Variants in KIAA1217 observed in about 807,000 individuals in gnomAD.
KIAA1217 encodes KIAA1217, also known as sickle tail protein homolog.
Under a neutral mutation model 163.9 loss-of-function variants are expected in KIAA1217, and 88 were observed. That is an observed-to-expected ratio of 0.54 (90% confidence interval 0.45 to 0.64). The LOEUF (loss-of-function observed/expected upper bound fraction) is 0.64. KIAA1217 is among the 30% of genes least tolerant of loss of function. The pLI, the probability that KIAA1217 is intolerant of heterozygous loss-of-function variation, is 0.00. For synonymous variants in KIAA1217, 903 were observed against 923.1 expected (o/e 0.98, Z 0.39); for missense variants, 2,372 against 2,475.0 (o/e 0.96, Z 0.88).
At chr10:24,017,122 A>G (rs1847519052) in intron 2 of KIAA1217, among the ~76,000 whole-genome samples, 1 of 150,360 alleles carries the variant, frequency 6.7e-6, no homozygotes, top group South Asian at 2.1e-4. Flanking sequence ...GGCACAGCAT[A>G]GGTCACTACA....
In KIAA1217 at chr10:24,191,965, G is replaced by T. The variant is rs2066741810; in HGVS notation, c.-170-27661G>T. Among the ~76,000 whole-genome samples the T allele has an allele frequency of 2.6e-5, 4 of 152,228 alleles. No homozygotes were observed. In the South Asian group the frequency reaches 8.3e-4, roughly 32 times the overall value. ...GACAGAGTTTTGCCGTGTTGGTCTG[G>T]AACCCCTGACCTCAAGTGATCCCCC... On this transcript the variant is annotated intron_variant, in intron 2 of 18. Coordinates refer to the KIAA1217 transcript ENST00000376462.
chr10:24,445,642 G>A (rs922253031), intron 5 of KIAA1217, among the ~76,000 whole-genome samples: 1 of 147,524 alleles, frequency 6.8e-6, no homozygotes, highest in Non-Finnish European at 1.5e-5. Context: ...TTGGTTTTTT[G>A]TCCTTGCGAT....
chr10:24,250,274 C>G (rs2074319852), intron 2 of KIAA1217, among the ~76,000 whole-genome samples: 1 of 152,110 alleles, frequency 6.6e-6, no homozygotes, highest in Non-Finnish European at 1.5e-5. Flanking sequence ...TGGAATTCAG[C>G]CTAGAGAAAG....
At chr10:23,696,819 C>A (rs1836076558) in intron 1 of KIAA1217, among the ~76,000 whole-genome samples, 1 of 152,158 alleles carries the variant, frequency 6.6e-6, no homozygotes, top group Admixed American at 6.5e-5. Flanking sequence ...ATCTTTGATT[C>A]CCAGAGACCA....
chr10:24,144,954 T>A (rs2064241411), intron 2 of KIAA1217, among the ~76,000 whole-genome samples: 1 of 152,262 alleles, frequency 6.6e-6, no homozygotes, highest in South Asian at 2.1e-4. Flanking sequence ...TATTTACAAC[T>A]GCCAAATGGT....
intron 2 of KIAA1217, among the ~76,000 whole-genome samples, chr10:24,336,172 G>T (rs2046337504): frequency 6.6e-6 from 1 of 152,112 alleles, no homozygotes; most frequent in South Asian, 2.1e-4. Flanking sequence ...AACATGGGGA[G>T]GTGGAAGTTG....
intron 2 of KIAA1217, chr10:24,275,891 C>T: frequency 2.3e-6 from 1 of 435,886 alleles, no homozygotes; most frequent in South Asian, 1.8e-5. Context: ...CATCAGTTCT[C>T]CCTTCTGGTC....
intron 2 of KIAA1217, among the ~76,000 whole-genome samples, chr10:24,320,953 A>G (rs572354544): frequency 1.3e-5 from 2 of 152,142 alleles, no homozygotes; most frequent in East Asian, 1.9e-4. Flanking sequence ...AAGCTGAGGC[A>G]GGAGAATGGC....
intron 2 of KIAA1217, among the ~76,000 whole-genome samples, chr10:24,072,285 C>G (rs1408306843): frequency 6.6e-6 from 1 of 151,966 alleles, no homozygotes; most frequent in Non-Finnish European, 1.5e-5. Context: ...ACCTCAGCCT[C>G]CTAAAAGTGC....
At chr10:23,942,530 C>G (rs1053946174) in intron 1 of KIAA1217, among the ~76,000 whole-genome samples, 4 of 152,072 alleles carry the variant, frequency 2.6e-5, no homozygotes, top group African/African-American at 9.7e-5. Flanking sequence ...TTCAGTGGAG[C>G]AGAAAAAGTA....
intron 2 of KIAA1217, among the ~76,000 whole-genome samples, chr10:24,020,434 C>T (rs902780691): frequency 1.3e-5 from 2 of 152,002 alleles, no homozygotes; most frequent in African/African-American, 2.4e-5. Flanking sequence ...GTTGTGGTCT[C>T]ATTTGGGTGG....
At position 24,140,019 on chromosome 10, in the gene KIAA1217, C is replaced by T. The variant is rs12261996; in HGVS notation, c.-170-79607C>T. On this transcript the variant is annotated intron_variant, in intron 2 of 18. Transcript: ENST00000376462. ...AACCTCAGCATACTTTTTTTTTTTC[C>T]CCCTTATCAAATTGAGAACTTTCGC... is the stretch of plus-strand genomic sequence containing the variant. Among the ~76,000 whole-genome samples, 1,175 of 141,996 alleles carry T rather than the reference C, an allele frequency of 8.3e-3. 14 individuals carry two copies. The highest frequency in any genetic ancestry group is 0.027 in the African/African-American group (973 of 36,612). 93.2% of individuals were successfully genotyped at this position (141,996 alleles called of 152,430 possible).
chr10:23,940,438 C>A (rs1342488674), intron 1 of KIAA1217, among the ~76,000 whole-genome samples: 2 of 111,540 alleles, frequency 1.8e-5, no homozygotes, highest in Non-Finnish European at 3.4e-5. Context: ...CCAGCCTGGG[C>A]GACAACAGAG....
At chr10:24,515,841 G>A (rs539107649) in intron 10 of KIAA1217, among the ~76,000 whole-genome samples, 15 of 152,336 alleles carry the variant, frequency 9.8e-5, no homozygotes, top group African/African-American at 3.4e-4. Flanking sequence ...GGAGGCTGAG[G>A]TGGGAGAATC....
At chr10:23,939,463 A>T (rs1273469610) in intron 1 of KIAA1217, among the ~76,000 whole-genome samples, 2 of 152,152 alleles carry the variant, frequency 1.3e-5, no homozygotes, top group East Asian at 3.8e-4. Flanking sequence ...ATTAAATATC[A>T]AATGCAGTAG....
intron 2 of KIAA1217, among the ~76,000 whole-genome samples, chr10:24,194,313 T>TCTCCCCTCTCCTCCC (rs2066877181): frequency 1.3e-4 from 2 of 15,762 alleles, no homozygotes; most frequent in African/African-American, 5.3e-4. Flanking sequence ...CCTCCCCTCC[T>TCTCCCCTCTCCTCCC]CTCCCCTCTC....
intron 1 of KIAA1217, among the ~76,000 whole-genome samples, chr10:23,902,601 G>C (rs1289690092): frequency 6.6e-6 from 1 of 152,140 alleles, no homozygotes. Flanking sequence ...TTTAGTCACA[G>C]CATCAGATGG....
intron 5 of KIAA1217, among the ~76,000 whole-genome samples, chr10:24,463,356 C>T (rs898233270): frequency 3.3e-5 from 5 of 152,332 alleles, no homozygotes; most frequent in South Asian, 2.1e-4. Flanking sequence ...ATAGAAATAA[C>T]GCTCATCTTA....
chr10:23,705,657 T>A (rs1836834672), intron 1 of KIAA1217, among the ~76,000 whole-genome samples: 1 of 152,208 alleles, frequency 6.6e-6, no homozygotes, highest in Non-Finnish European at 1.5e-5. Context: ...AAATAAGTTT[T>A]TAAATTGGAA....
Sources: gnomAD v4.1 joint callset for allele counts (sites outside exome capture counted in the v4.1 genomes callset) on GRCh38, gnomAD v4.1.1 for gene constraint, MANE v1.5 for transcripts, NCBI Gene and HGNC (gene_info 2026-07-23, HGNC 2026-07-21) for gene names.